Variants in UGT2B28 observed in about 807,000 individuals in gnomAD.
UGT2B28 encodes UDP-glucuronosyltransferase 2B28.
Under a neutral mutation model 43.6 loss-of-function variants are expected in UGT2B28, and 45 were observed. The observed-to-expected ratio is 1.03, with a 90% CI of 0.81 to 1.32. The LOEUF (loss-of-function observed/expected upper bound fraction) is 1.32, where lower values mean the gene tolerates loss of function less well. Among genes scored for constraint, UGT2B28 ranks in the 40% most tolerant of loss-of-function variants. The probability of loss-of-function intolerance (pLI) is 0.00; values close to 1 mark genes in which losing one functional copy is unlikely to be tolerated. For missense variants in UGT2B28, 649 were observed against 625.5 expected, an observed-to-expected ratio of 1.04 and a Z score of -0.40; for synonymous variants, 204 against 208.1, an observed-to-expected ratio of 0.98 and a Z score of 0.17.
At position 69,283,186 on chromosome 4, in the gene UGT2B28, T is replaced by C. The variant is rs1407636117; in HGVS notation, c.870+524T>C. On this transcript the variant is annotated intron_variant, in intron 2 of 5. Transcript: ENST00000335568. The stretch of plus-strand genomic sequence containing the variant: ...TTAGTAAGATGAGAGCTGAACAATA[T>C]GCAGAAATAGGTAAAAGAATGGCGG... Among the ~76,000 whole-genome samples, 4 of 139,280 alleles carry C rather than the reference T, an allele frequency of 2.9e-5. 1 individual carries two copies. Among genetic ancestry groups the C allele is most frequent in the African/African-American group, 8.4e-5 (3 of 35,504 alleles). The allele number at this position is 139,280 out of a possible 152,430, so 91.4% of individuals were successfully genotyped here. A position where few individuals can be genotyped will look rare whatever the true frequency, so the allele number is the denominator to read the frequency against.
At position 69,281,900 on chromosome 4, in the gene UGT2B28, G is replaced by A. The variant is rs1423889514; in HGVS notation, c.722-614G>A. Reference sequence around the variant, plus strand: ...ATTTAAAAATATGAGACAGATTAAGGTTGAGTACAGATCTCTATTTCAATA... The same window carrying A: ...ATTTAAAAATATGAGACAGATTAAGATTGAGTACAGATCTCTATTTCAATA... On this transcript the variant is annotated intron_variant, in intron 1 of 5. Transcript: ENST00000335568. Among the ~76,000 whole-genome samples the A allele has an allele frequency of 1.4e-5, 2 of 140,206 alleles. 1 individual carries two copies. The highest frequency in any genetic ancestry group is 4.0e-4 in the East Asian group (2 of 4,944). 92.0% of individuals were successfully genotyped at this position (140,206 alleles called of 152,430 possible). A position where few individuals can be genotyped will look rare whatever the true frequency, so the allele number is the denominator to read the frequency against.
intron 2 of UGT2B28, among the ~76,000 whole-genome samples, chr4:69,285,583 G>A (rs1723750328): frequency 1.4e-5 from 2 of 140,962 alleles, no homozygotes; most frequent in South Asian, 2.4e-4. Flanking sequence ...TCACGTTAAC[G>A]TAAGATTAAA....
chr4:69,280,633 G>C lies in UGT2B28; in HGVS notation c.133G>C (p.Glu45Gln). ...GATGAATATGAAGACAATCCTGAAAGAGCTTGTTCAGAGAGGTCATGAGGT... is the reference window on the plus strand; with the variant it reads ...GATGAATATGAAGACAATCCTGAAACAGCTTGTTCAGAGAGGTCATGAGGT... ...HWMNMKTILKELVQRGHEVTV... is the reference protein window; with the variant it reads ...HWMNMKTILKQLVQRGHEVTV... Residue 45 changes from glutamate to glutamine, a missense_variant, in exon 1 of 6, where the codon GAG (glutamate) becomes CAG (glutamine). Coordinates refer to ENST00000335568, the MANE Select transcript of UGT2B28 (RefSeq NM_053039.2). 1.3e-6 allele frequency: 2 copies of C among 1,561,376 alleles called. No homozygotes were observed. Among genetic ancestry groups the C allele is most frequent in the Non-Finnish European group, 1.7e-6 (2 of 1,156,126 alleles).
At position 69,286,618 on chromosome 4, in the gene UGT2B28, T is replaced by G. The variant is rs1422471394; in HGVS notation, c.871-134T>G. 3.9e-6 allele frequency: 5 copies of G among 1,268,324 alleles called. No individual in the cohort carries two copies. In the South Asian group the frequency reaches 8.2e-5, roughly 21 times the overall value. 78.6% of individuals were successfully genotyped at this position (1,268,324 alleles called of 1,614,324 possible). A position where few individuals can be genotyped will look rare whatever the true frequency, so the allele number is the denominator to read the frequency against. The stretch of plus-strand genomic sequence containing the variant: ...CTTGTAAAGAACCTGAGTGATTGAG[T>G]CAGTTAAAAAATATTATTTACTCCA... On this transcript the variant is annotated intron_variant, in intron 2 of 5. Transcript: ENST00000335568.
At position 69,282,599 on chromosome 4, in the gene UGT2B28, A is replaced by G. The variant is rs1452081133; in HGVS notation, c.807A>G (p.Pro269=). The G allele has an allele frequency of 3.2e-6, 5 of 1,555,990 alleles. 1 individual carries two copies. The highest frequency in any genetic ancestry group is 4.3e-6 in the Non-Finnish European group (5 of 1,153,824). The change falls in exon 2 of 6, where the codon CCA becomes CCG. Residue 269 remains proline (P), a synonymous_variant. Transcript: ENST00000335568. ...RNSWSFQFPH[P]FLPNIDFVGG... Reference sequence around the variant, plus strand: ...CCTGGAGTTTTCAATTTCCTCATCCATTCTTACCAAACATTGATTTTGTTG... The same window carrying G: ...CCTGGAGTTTTCAATTTCCTCATCCGTTCTTACCAAACATTGATTTTGTTG...
Position 69,280,699 on chromosome 4 carries a change from A to C in UGT2B28, c.199A>C (p.Asn67His). 6.4e-7 allele frequency: 1 copy of C among 1,560,826 alleles called. No individual in the cohort carries two copies. Residue 67 changes from asparagine to histidine, a missense_variant, in exon 1 of 6, where the codon AAT (asparagine) becomes CAT (histidine). Physicochemically the swap from Asn to His is moderately conservative, Grantham distance 68. Transcript: ENST00000335568. ...ASSASILFDPNDAFTLKLEVY... is the reference protein window; with the variant it reads ...ASSASILFDPHDAFTLKLEVY... The stretch of plus-strand genomic sequence containing the variant: ...TTCAGCTTCCATTCTTTTTGATCCC[A>C]ATGACGCATTCACTCTTAAACTCGA...
At chr4:69,289,262 G>T (rs1723873723) in intron 3 of UGT2B28, among the ~76,000 whole-genome samples, 1 of 139,348 alleles carries the variant, frequency 7.2e-6, no homozygotes, top group African/African-American at 2.8e-5. Flanking sequence ...GATATTTTTT[G>T]AATTTTTAAT....
rs767139797 is a variant in UGT2B28 at position 69,294,059 on chromosome 4, T to C, written c.1311-471T>C. ...ACAGCACTTAAAATGGCTCATGATGTTGAGCAGGTACTCATATGCCTGTTT... is the reference window on the plus strand; with the variant it reads ...ACAGCACTTAAAATGGCTCATGATGCTGAGCAGGTACTCATATGCCTGTTT... On this transcript the variant is annotated intron_variant, in intron 5 of 5. Transcript: ENST00000335568. Among the ~76,000 whole-genome samples the C allele has an allele frequency of 6.4e-5, 9 of 140,378 alleles. 1 individual carries two copies. The highest frequency in any genetic ancestry group is 2.1e-4 in the Admixed American group (3 of 13,994). 92.1% of individuals were successfully genotyped at this position (140,378 alleles called of 152,430 possible).
In UGT2B28 at chr4:69,290,007, G is replaced by A. The variant is rs532890036; in HGVS notation, c.1090+255G>A. 4.3e-5 allele frequency among the ~76,000 whole-genome samples: 6 copies of A among 140,174 alleles called. 1 individual carries two copies. In the East Asian group the frequency reaches 6.1e-4, roughly 14 times the overall value. 92.0% of individuals were successfully genotyped at this position (140,174 alleles called of 152,430 possible). On this transcript the variant is annotated intron_variant, in intron 4 of 5. Transcript: ENST00000335568. ...CTATTATATCTCACAGAATTTTTCA[G>A]TATCTTCCTGGGCTGTCTCTCCGTC... is the stretch of plus-strand genomic sequence containing the variant.
At position 69,290,664 on chromosome 4, in the gene UGT2B28, T is replaced by C; in HGVS notation, c.1163T>C (p.Ile388Thr). Residue 388 changes from isoleucine to threonine, a missense_variant, in exon 5 of 6, where the codon ATC becomes ACC. Physicochemically the swap from Ile to Thr is moderately conservative, Grantham distance 89. Coordinates refer to ENST00000335568, the MANE Select transcript of UGT2B28 (RefSeq NM_053039.2). ...NGIYEAIYHG[I>T]PMVGIPLFWD... ...ATCTATGAGGCAATCTACCATGGGA[T>C]CCCTATGGTAGGCATTCCATTGTTT... The C allele has an allele frequency of 6.4e-7, 1 of 1,559,348 alleles. No individual in the cohort carries two copies. The highest frequency in any genetic ancestry group is 8.7e-7 in the Non-Finnish European group (1 of 1,155,138).
At chr4:69,282,289 T>G in intron 1 of UGT2B28, among the ~76,000 whole-genome samples, 1 of 140,148 alleles carries the variant, frequency 7.1e-6, no homozygotes, top group East Asian at 2.0e-4. Context: ...AGATGTCGCT[T>G]AACTTCATAA....
chr4:69,285,276 T>A lies in UGT2B28; in HGVS notation c.871-1476T>A, dbSNP rs564272023. On this transcript the variant is annotated intron_variant, in intron 2 of 5. Coordinates refer to ENST00000335568, the MANE Select transcript of UGT2B28 (RefSeq NM_053039.2). ...TATAAATAATATCTCTAGGTAGAAA[T>A]TTTAGAAAAATTATTTTTTAAAACG... Among the ~76,000 whole-genome samples, 94 of 140,684 alleles carry A rather than the reference T, an allele frequency of 6.7e-4. 15 individuals carry two copies. Among genetic ancestry groups the A allele is most frequent in the African/African-American group, 2.6e-3 (93 of 36,128 alleles). The allele number at this position is 140,684 out of a possible 152,430, so 92.3% of individuals were successfully genotyped here. A position where few individuals can be genotyped will look rare whatever the true frequency, so the allele number is the denominator to read the frequency against.
In UGT2B28 at chr4:69,282,558, T is replaced by C. The variant is rs748065362; in HGVS notation, c.766T>C (p.Trp256Arg). Residue 256 changes from tryptophan to arginine, a missense_variant, in exon 2 of 6, where the codon TGG (tryptophan) becomes CGG (arginine). Transcript: ENST00000335568. ...TGAGACAATGGGGAAAGCTGACATA[T>C]GGCTTATGCGAAACTCCTGGAGTTT... The part of the protein sequence containing the change: ...LFETMGKADI[W>R]LMRNSWSFQF... The C allele has an allele frequency of 5.8e-6, 9 of 1,553,588 alleles. 1 individual carries two copies. Among genetic ancestry groups the C allele is most frequent in the Non-Finnish European group, 7.8e-6 (9 of 1,153,300 alleles).
rs867935757 is a variant in UGT2B28, at chr4:69,280,576, G to A, written c.76G>A (p.Val26Met). 2.6e-6 allele frequency: 4 copies of A among 1,560,684 alleles called. No homozygotes were observed. The highest frequency in any genetic ancestry group is 1.7e-4 in the Middle Eastern group (1 of 5,850). Residue 26 changes from valine (V) to methionine (M), a missense_variant, in exon 1 of 6, where the codon GTG (valine) becomes ATG (methionine). Coordinates refer to ENST00000335568, the MANE Select transcript of UGT2B28 (RefSeq NM_053039.2). ...CTTTAGCTCTGGGAGTTGTGGAAAG[G>A]TGCTGGTGTGGACCGGTGAATACAG... ...CYFSSGSCGK[V>M]LVWTGEYSHW... is the part of the protein sequence containing the mutation.
Position 69,280,876 on chromosome 4 carries a change from T to C in UGT2B28, c.376T>C (p.Phe126Leu). Reference sequence around the variant, plus strand: ...GGAATTTCATGACATATTTAGAAACTTCTGTAAAGATGTAGTTTCAAATAA... The same window carrying C: ...GGAATTTCATGACATATTTAGAAACCTCTGTAAAGATGTAGTTTCAAATAA... ...LWEFHDIFRN[F>L]CKDVVSNKKV... is the part of the protein sequence containing the mutation. The change falls in exon 1 of 6, where the codon TTC becomes CTC. Residue 126 changes from phenylalanine (F) to leucine (L), a missense_variant. Phe to Leu is a conservative substitution (Grantham distance 22). Coordinates refer to ENST00000335568, the MANE Select transcript of UGT2B28 (RefSeq NM_053039.2). 5.8e-6 allele frequency: 9 copies of C among 1,558,618 alleles called. No individual in the cohort carries two copies. Among genetic ancestry groups the C allele is most frequent in the East Asian group, 2.3e-5 (1 of 43,600 alleles).
At position 69,284,950 on chromosome 4, in the gene UGT2B28, A is replaced by G. The variant is rs1157513543; in HGVS notation, c.871-1802A>G. On this transcript the variant is annotated intron_variant, in intron 2 of 5. Transcript: ENST00000335568. ...AAAAAAATCAAGTTGTACCTATTAA[A>G]CATTATGGAAAATATTCACAAAATT... Among the ~76,000 whole-genome samples, 13 of 140,430 alleles carry G rather than the reference A, an allele frequency of 9.3e-5. 1 individual carries two copies. Among genetic ancestry groups the G allele is most frequent in the Non-Finnish European group, 1.2e-4 (8 of 65,754 alleles). The allele number at this position is 140,430 out of a possible 152,430, so 92.1% of individuals were successfully genotyped here.
chr4:69,281,075 C>G lies in UGT2B28; in HGVS notation c.575C>G (p.Ser192Cys). 2.6e-6 allele frequency: 4 copies of G among 1,559,504 alleles called. 1 individual carries two copies. The highest frequency in any genetic ancestry group is 3.5e-6 in the Non-Finnish European group (4 of 1,155,394). ...RHSGGLIFPP[S>C]YIPVVMSKLS... ...AGTGGAGGACTGATTTTCCCTCCTT[C>G]CTACATACCTGTTGTTATGTCAAAA... The change falls in exon 1 of 6, where the codon TCC (serine) becomes TGC (cysteine). Residue 192 changes from serine (S) to cysteine (C), a missense_variant. Ser to Cys is a moderately radical substitution (Grantham distance 112). Coordinates refer to ENST00000335568, the MANE Select transcript of UGT2B28 (RefSeq NM_053039.2).
chr4:69,288,854 C>T (rs530629023), intron 3 of UGT2B28, among the ~76,000 whole-genome samples: 1 of 140,664 alleles, frequency 7.1e-6, no homozygotes, highest in East Asian at 2.0e-4. Context: ...ATTTGGATTT[C>T]AATTCCTGTT....
chr4:69,287,376 A>G (rs1171096415), intron 3 of UGT2B28, among the ~76,000 whole-genome samples: 1 of 140,724 alleles, frequency 7.1e-6, no homozygotes, highest in Non-Finnish European at 1.5e-5. Flanking sequence ...TCCTAATCTC[A>G]GCAGTATCTA....
Sources: allele counts gnomAD v4.1 joint callset (sites outside exome capture counted in the v4.1 genomes callset), GRCh38; gene constraint gnomAD v4.1.1; transcripts MANE v1.5; gene names NCBI Gene and HGNC (gene_info 2026-07-23, HGNC 2026-07-21).